Variants in DNAH11 observed in about 807,000 individuals in gnomAD.
DNAH11 encodes the protein axonemal beta dynein heavy chain 11.
In DNAH11, 442 loss-of-function variants were observed where a neutral mutation model predicts 526.0. The observed-to-expected ratio is 0.84, with a 90% CI of 0.78 to 0.91. The LOEUF (loss-of-function observed/expected upper bound fraction) is 0.91, where lower values mean the gene tolerates loss of function less well. DNAH11 is among the 40% of genes least tolerant of loss of function. DNAH11 has a pLI of 0.00. For synonymous variants in DNAH11, 2,461 were observed against 1,935.9 expected (o/e 1.27, Z -7.12); for missense variants, 6,989 against 5,448.7 (o/e 1.28, Z -8.90).
intron 8 of DNAH11, among the ~76,000 whole-genome samples, chr7:21,574,564 C>CTTCCTTTTTTTT (rs1554313104): frequency 8.1e-5 from 10 of 123,840 alleles, no homozygotes; most frequent in African/African-American, 3.2e-4. Context: ...CCCTTCCTTC[C>CTTCCTTTTTTTT]TTTTTTTTTT....
chr7:21,763,413 A>T (rs1787020385), intron 54 of DNAH11, among the ~76,000 whole-genome samples: 2 of 151,886 alleles, frequency 1.3e-5, no homozygotes, highest in Non-Finnish European at 2.9e-5. Context: ...ACACAACATC[A>T]CTAATCAGGG....
chr7:21,653,012 T>G (rs941054663), intron 28 of DNAH11, among the ~76,000 whole-genome samples: 1 of 152,024 alleles, frequency 6.6e-6, no homozygotes, highest in African/African-American at 2.4e-5. Context: ...AAGTAGCTGG[T>G]ATTACAGGCA....
rs1784710736 is a variant in DNAH11, at chr7:21,900,138, G to A, written c.13303+18G>A. 4 of 1,596,326 alleles carry A rather than the reference G, an allele frequency of 2.5e-6. No individual in the cohort carries two copies. Among genetic ancestry groups the A allele is most frequent in the Admixed American group, 1.7e-5 (1 of 57,224 alleles). On this transcript the variant is annotated intron_variant, in intron 81 of 81. Coordinates refer to ENST00000409508, the MANE Select transcript of DNAH11 (RefSeq NM_001277115.2). ...CATGGAGGGTAAGACACCCCAAGGGGTAAGTGGGGAACCTTTTCTTACTCA... is the reference window on the plus strand; with the variant it reads ...CATGGAGGGTAAGACACCCCAAGGGATAAGTGGGGAACCTTTTCTTACTCA...
At chr7:21,610,681 ATACT>A (rs768501203) in intron 20 of DNAH11, among the ~76,000 whole-genome samples, 4 of 152,188 alleles carry the variant, frequency 2.6e-5, no homozygotes, top group African/African-American at 9.7e-5. Flanking sequence ...AAAGGGCCAG[ATACT>A]TACAGAAATG....
At chr7:21,580,360 C>T (rs1165263694) in intron 8 of DNAH11, among the ~76,000 whole-genome samples, 3 of 152,168 alleles carry the variant, frequency 2.0e-5, no homozygotes, top group Admixed American at 1.3e-4. Flanking sequence ...GATTGCTTGG[C>T]TCTAATTCAG....
chr7:21,800,485 A>G (rs1788933243), intron 61 of DNAH11, among the ~76,000 whole-genome samples: 1 of 152,086 alleles, frequency 6.6e-6, no homozygotes, highest in Admixed American at 6.5e-5. Flanking sequence ...TACAAAAATT[A>G]GCCGGGTGTG....
At chr7:21,730,321 C>T (rs971553993) in intron 45 of DNAH11, among the ~76,000 whole-genome samples, 1 of 152,170 alleles carries the variant, frequency 6.6e-6, no homozygotes, top group South Asian at 2.1e-4. Context: ...ATCTAAAATT[C>T]TCCAAAATTA....
chr7:21,864,673 A>C lies in DNAH11; in HGVS notation c.11496+16A>C. The stretch of plus-strand genomic sequence containing the variant: ...TGCTATCAAGGTATGTTAGGAATAC[A>C]GTTTCTCAAATTCTGGATCTTATTT... On this transcript the variant is annotated intron_variant, in intron 70 of 81. Coordinates refer to ENST00000409508, the MANE Select transcript of DNAH11 (RefSeq NM_001277115.2). 1.3e-6 allele frequency: 2 copies of C among 1,559,440 alleles called. No homozygotes were observed. Among genetic ancestry groups the C allele is most frequent in the Middle Eastern group, 1.7e-4 (1 of 5,842 alleles).
At chr7:21,644,281 C>T (rs555019486) in intron 28 of DNAH11, among the ~76,000 whole-genome samples, 1 of 150,832 alleles carries the variant, frequency 6.6e-6, no homozygotes, top group Non-Finnish European at 1.5e-5. Context: ...TGTTTTTATG[C>T]AGAGCTTCCA....
chr7:21,619,884 A>T (rs1419891552), intron 24 of DNAH11, 72 bp from the exon 25 acceptor site: 3 of 1,433,568 alleles, frequency 2.1e-6, no homozygotes, highest in Non-Finnish European at 2.8e-6. Flanking sequence ...AAAAAAATTA[A>T]TTCCAGATAA....
intron 20 of DNAH11, among the ~76,000 whole-genome samples, chr7:21,609,108 G>A (rs949857557): frequency 3.9e-5 from 6 of 152,146 alleles, no homozygotes; most frequent in African/African-American, 1.4e-4. Flanking sequence ...AGGTTCCCTG[G>A]TTAAGTACTA....
rs1174669548 is a variant in DNAH11 at position 21,707,689 on chromosome 7, T to C, written c.6547-10T>C. 6.2e-7 allele frequency: 1 copy of C among 1,605,018 alleles called. No individual in the cohort carries two copies. The highest frequency in any genetic ancestry group is 1.1e-5 in the South Asian group (1 of 88,386). ...ATTAATTTTTTTGGCTCTTTCCTCC[T>C]TCCCCTCAGATTTTGAGAACACTGA... On this transcript the variant is annotated splice_polypyrimidine_tract_variant and intron_variant, in intron 39 of 81. Coordinates refer to ENST00000409508, the MANE Select transcript of DNAH11 (RefSeq NM_001277115.2).
intron 22 of DNAH11, 88 bp downstream of exon 22, chr7:21,616,380 G>T: frequency 1.9e-6 from 2 of 1,032,120 alleles, no homozygotes; most frequent in Non-Finnish European, 1.4e-6. Flanking sequence ...TGGTGTATTG[G>T]GCTGCATGTA....
At chr7:21,646,572 G>T (rs1490518255) in intron 28 of DNAH11, among the ~76,000 whole-genome samples, 1 of 152,150 alleles carries the variant, frequency 6.6e-6, no homozygotes, top group Non-Finnish European at 1.5e-5. Context: ...GAGAGTATTA[G>T]GCAGAGTGCT....
chr7:21,803,386 C>T (rs992319890), intron 62 of DNAH11, among the ~76,000 whole-genome samples: 3 of 152,200 alleles, frequency 2.0e-5, no homozygotes, highest in Non-Finnish European at 4.4e-5. Context: ...AGTGGACATT[C>T]ACCCTCATGC....
chr7:21,665,271 T>G (rs2128467671), intron 30 of DNAH11, among the ~76,000 whole-genome samples: 1 of 152,294 alleles, frequency 6.6e-6, no homozygotes, highest in East Asian at 1.9e-4. Context: ...CATGTTCATT[T>G]AATATATTGC....
At chr7:21,801,322 C>A in intron 62 of DNAH11, 47 bp downstream of exon 62, 1 of 1,601,660 alleles carries the variant, frequency 6.2e-7, no homozygotes. Flanking sequence ...TTCAGATCAG[C>A]TTGTGGGGAT....
intron 8 of DNAH11, among the ~76,000 whole-genome samples, chr7:21,572,240 G>A (rs1353205459): frequency 6.6e-6 from 1 of 152,200 alleles, no homozygotes; most frequent in Non-Finnish European, 1.5e-5. Context: ...ATGCTAAACA[G>A]AAACTTTCCA....
intron 73 of DNAH11, among the ~76,000 whole-genome samples, chr7:21,870,939 C>T (rs1783471548): frequency 6.6e-6 from 1 of 152,156 alleles, no homozygotes; most frequent in South Asian, 2.1e-4. Context: ...TGCTAGTATC[C>T]ATTTGATCAG....
Sources: gnomAD v4.1 joint callset for allele counts (sites outside exome capture counted in the v4.1 genomes callset) on GRCh38, gnomAD v4.1.1 for gene constraint, MANE v1.5 for transcripts, NCBI Gene and HGNC (gene_info 2026-07-23, HGNC 2026-07-21) for gene names.